BDNF: variants seen among roughly 807,000 people sequenced by gnomAD.
BDNF encodes neurotrophic factor BDNF precursor form.
BDNF carries 1 observed loss-of-function variant against 19.5 expected under a neutral mutation model. The ratio of observed to expected loss-of-function variants is 0.05; its 90% CI spans 0.02 to 0.24. The LOEUF is 0.24. Among genes scored for constraint, BDNF ranks in the 10% least tolerant of loss-of-function variants. BDNF has a pLI of 1.00. For synonymous variants in BDNF, 100 were observed against 121.6 expected, an observed-to-expected ratio of 0.82 and a Z score of 1.17; for missense variants, 195 against 317.6, an observed-to-expected ratio of 0.61 and a Z score of 2.93.
intron 1 of BDNF, among the ~76,000 whole-genome samples, chr11:27,661,640 G>T (rs538700465): frequency 6.6e-6 from 1 of 152,248 alleles, no homozygotes; most frequent in African/African-American, 2.4e-5. Context: ...AACTGGCAAT[G>T]GCATTTTTGT....
intron 1 of BDNF, chr11:27,696,527 A>G (rs1223010198): frequency 6.6e-6 from 1 of 152,220 alleles, no homozygotes; most frequent in Non-Finnish European, 1.5e-5. Flanking sequence ...TAAAACCTAG[A>G]ATTCCACAGA....
chr11:27,717,619 GGTTACT>G (rs1246035227), intron 1 of BDNF, among the ~76,000 whole-genome samples: 54 of 152,290 alleles, frequency 3.5e-4, no homozygotes, highest in Non-Finnish European at 3.7e-4. Context: ...AAGTAGGCTA[GGTTACT>G]GTTAATTTAA....
intron 1 of BDNF, chr11:27,676,084 C>G (rs1038098895): frequency 6.6e-6 from 1 of 152,202 alleles, no homozygotes; most frequent in African/African-American, 2.4e-5. Context: ...TTTAGAGGAG[C>G]AGCTGCAAGG....
Position 27,720,709 on chromosome 11 carries a change from G to A in BDNF, c.3+703C>T, listed in dbSNP as rs1011353719. ...CCAAGGTGCTGAATGGACTCCTATC[G>A]CCCGGATTACACACCCGGCACAGCA... On this transcript the variant is annotated intron_variant, in intron 1 of 1. Transcript: ENST00000314915. The A allele has an allele frequency of 5.1e-6, 5 of 985,598 alleles. No homozygotes were observed. In the South Asian group the frequency reaches 1.9e-4, roughly 37 times the overall value. 61.1% of individuals were successfully genotyped at this position (985,598 alleles called of 1,614,324 possible). A position where few individuals can be genotyped will look rare whatever the true frequency, so the allele number is the denominator to read the frequency against.
upstream of BDNF, among the ~76,000 whole-genome samples, chr11:27,703,697 C>T (rs1860001233): frequency 6.6e-6 from 1 of 152,106 alleles, no homozygotes; most frequent in South Asian, 2.1e-4. Context: ...TGCAGTTTTA[C>T]TGAGGAAAAG....
At position 27,657,683 on chromosome 11, in the gene BDNF, C is replaced by G. The variant is rs1852754883; in HGVS notation, c.*138G>C. On this transcript the variant is annotated 3_prime_UTR_variant, in exon 2 of 2. Transcript: ENST00000356660. This position sits in a 1 kb window ranked among gnomAD's most constrained non-coding sequence, Gnocchi z 5.0. ...GTCCAATAAATAGATTGTAGAACCACTGTACTGTATAAACTTCATTTATAC... is the reference window on the plus strand; with the variant it reads ...GTCCAATAAATAGATTGTAGAACCAGTGTACTGTATAAACTTCATTTATAC... 2.0e-6 allele frequency: 3 copies of G among 1,476,450 alleles called. No homozygotes were observed. The highest frequency in any genetic ancestry group is 2.5e-5 in the East Asian group (1 of 40,472). The allele number at this position is 1,476,450 out of a possible 1,614,324, so 91.5% of individuals were successfully genotyped here.
intron 1 of BDNF, among the ~76,000 whole-genome samples, chr11:27,671,572 A>C (rs1369846094): frequency 6.6e-6 from 1 of 152,182 alleles, no homozygotes; most frequent in Non-Finnish European, 1.5e-5. Context: ...TTTTGTGTTA[A>C]ATTTATAAAT....
intron 1 of BDNF, chr11:27,696,620 T>C (rs1158382176): frequency 6.6e-6 from 1 of 152,228 alleles, no homozygotes; most frequent in Non-Finnish European, 1.5e-5. Flanking sequence ...CTGCACTAGA[T>C]GGCTGAGAGT....
chr11:27,669,733 A>C (rs1855015477), intron 1 of BDNF, among the ~76,000 whole-genome samples: 1 of 152,202 alleles, frequency 6.6e-6, no homozygotes, highest in Non-Finnish European at 1.5e-5. Context: ...GAGAACTACA[A>C]ACCACTGCTC....
At chr11:27,680,971 C>G (rs570529685) in intron 1 of BDNF, among the ~76,000 whole-genome samples, 72 of 152,240 alleles carry the variant, frequency 4.7e-4, no homozygotes, top group Non-Finnish European at 9.0e-4. Flanking sequence ...TTCACAGGCT[C>G]TACAGTCCAG....
intron 1 of BDNF, among the ~76,000 whole-genome samples, chr11:27,720,046 G>A (rs1860688702): frequency 6.6e-6 from 1 of 152,126 alleles, no homozygotes; most frequent in East Asian, 1.9e-4. Context: ...CAAAGAGAAC[G>A]GAAAAGAGGG....
intron 1 of BDNF, among the ~76,000 whole-genome samples, chr11:27,661,906 C>G (rs1853504005): frequency 6.6e-6 from 1 of 152,206 alleles, no homozygotes; most frequent in African/African-American, 2.4e-5. Context: ...TCAAATCATG[C>G]ATGCCCCTTT....
At chr11:27,681,871 A>C (rs1265310992) in intron 1 of BDNF, among the ~76,000 whole-genome samples, 1 of 152,190 alleles carries the variant, frequency 6.6e-6, no homozygotes, top group Non-Finnish European at 1.5e-5. Flanking sequence ...TGAGAGGTTG[A>C]GATACAGAGA....
intron 1 of BDNF, among the ~76,000 whole-genome samples, chr11:27,670,051 C>A (rs541880404): frequency 7.9e-5 from 12 of 152,158 alleles, no homozygotes; most frequent in African/African-American, 2.4e-4. Context: ...GTACTGGTAC[C>A]AAAACAGAGA....
At chr11:27,682,409 A>AT (rs201040164) in intron 1 of BDNF, among the ~76,000 whole-genome samples, 25,844 of 149,236 alleles carry the variant, frequency 0.17, 2,887 homozygotes, top group East Asian at 0.47. Flanking sequence ...TATTATTATT[A>AT]TAATAATAAT....
intron 1 of BDNF, among the ~76,000 whole-genome samples, chr11:27,692,237 GA>G (rs890849059): frequency 2.0e-5 from 3 of 152,050 alleles, no homozygotes; most frequent in South Asian, 2.1e-4. Context: ...CAATGCATTA[GA>G]AAAAAACAAG....
At chr11:27,696,733 A>T (rs868377754) in intron 1 of BDNF, among the ~76,000 whole-genome samples, 10 of 152,356 alleles carry the variant, frequency 6.6e-5, no homozygotes, top group Middle Eastern at 3.4e-3. Context: ...TATAAAAGGG[A>T]CATATTCACT....
upstream of BDNF, among the ~76,000 whole-genome samples, chr11:27,704,875 G>T (rs775179765): frequency 1.3e-5 from 2 of 152,152 alleles, no homozygotes; most frequent in Non-Finnish European, 2.9e-5. Context: ...ATACCAAAAT[G>T]TGTTCAAATT....
chr11:27,720,663 G>A, intron 1 of BDNF: 1 of 985,438 alleles, frequency 1.0e-6, no homozygotes, highest in Non-Finnish European at 1.2e-6. Context: ...CCGCCACCTC[G>A]GACAAATCCG....
Sources: gnomAD v4.1 joint callset for allele counts (sites outside exome capture counted in the v4.1 genomes callset) on GRCh38, gnomAD v4.1.1 for gene constraint, Gnocchi (gnomAD v3.1) non-coding constraint, MANE v1.5 for transcripts, NCBI Gene and HGNC (gene_info 2026-07-23, HGNC 2026-07-21) for gene names.